Variants in DCTN5 observed in about 807,000 individuals in gnomAD.
DCTN5 encodes the protein dynactin subunit 5.
DCTN5 carries 14 observed loss-of-function variants against 23.5 expected under a neutral mutation model. The observed-to-expected ratio is 0.60, with a 90% CI of 0.39 to 0.93. The LOEUF is 0.93. DCTN5 is among the 40% of genes least tolerant of loss of function. DCTN5 has a pLI of 0.00. For synonymous variants in DCTN5, 67 were observed against 79.6 expected (o/e 0.84, Z 0.84); for missense variants, 156 against 225.9 (o/e 0.69, Z 1.98).
At chr16:23,650,308 A>T (rs1967572291) in intron 2 of DCTN5, among the ~76,000 whole-genome samples, 1 of 151,906 alleles carries the variant, frequency 6.6e-6, no homozygotes, top group Admixed American at 6.6e-5. Flanking sequence ...TCTAAGATTC[A>T]TTGTGGTCTG....
chr16:23,645,120 TATATATA>T (rs1967417692), intron 2 of DCTN5, among the ~76,000 whole-genome samples: 5 of 43,064 alleles, frequency 1.2e-4, no homozygotes, highest in East Asian at 6.9e-4. Flanking sequence ...TATATATATA[TATATATA>T]TATATATATA....
Position 23,675,834 on chromosome 16 carries a change from C to G in DCTN5, c.*8690C>G, listed in dbSNP as rs1015632613. 1 of 152,180 alleles carries G rather than the reference C, an allele frequency of 6.6e-6. No homozygotes were observed. Among genetic ancestry groups the G allele is most frequent in the Non-Finnish European group, 1.5e-5 (1 of 68,036 alleles). The allele number at this position is 152,180 out of a possible 1,614,324, so 9.4% of individuals were successfully genotyped here. A position where few individuals can be genotyped will look rare whatever the true frequency, so the allele number is the denominator to read the frequency against. On this transcript the variant is annotated 3_prime_UTR_variant, in exon 6 of 6. Coordinates refer to ENST00000300087, the MANE Select transcript of DCTN5 (RefSeq NM_032486.4). ...ATCTCCCACAAATGTCATCCATGCT[C>G]ATGAGATGGATCAACTTGTATCCTG...
At chr16:23,654,043 G>A (rs930086199) in intron 2 of DCTN5, among the ~76,000 whole-genome samples, 2 of 152,196 alleles carry the variant, frequency 1.3e-5, no homozygotes, top group Non-Finnish European at 2.9e-5. Context: ...AACAGATGCT[G>A]GTGAGGTTGT....
In DCTN5 at chr16:23,674,371, A is replaced by G. The variant is rs1263087503; in HGVS notation, c.*7227A>G. 1 of 152,196 alleles carries G rather than the reference A, an allele frequency of 6.6e-6. No individual in the cohort carries two copies. Among genetic ancestry groups the G allele is most frequent in the Non-Finnish European group, 1.5e-5 (1 of 68,040 alleles). 9.4% of individuals were successfully genotyped at this position (152,196 alleles called of 1,614,324 possible). On this transcript the variant is annotated 3_prime_UTR_variant, in exon 6 of 6. Coordinates refer to ENST00000300087, the MANE Select transcript of DCTN5 (RefSeq NM_032486.4). ...TAATACAGAGGCTAATTGCATTCCT[A>G]ACTTCTAATATTTGCCAAACGCTCC...
chr16:23,658,775 G>A (rs2140983263), intron 3 of DCTN5, 150 bp downstream of exon 3: 1 of 672,414 alleles, frequency 1.5e-6, no homozygotes. Context: ...CTCTGCTGGT[G>A]GTTGTCTCAG....
Position 23,661,249 on chromosome 16 carries a change from T to C in DCTN5, c.316T>C (p.Ser106Pro), listed in dbSNP as rs1967804727. 2 of 1,612,654 alleles carry C rather than the reference T, an allele frequency of 1.2e-6. No individual in the cohort carries two copies. The highest frequency in any genetic ancestry group is 1.7e-6 in the Non-Finnish European group (2 of 1,179,346). Residue 106 changes from serine (S) to proline (P), a missense_variant, in exon 4 of 6, where the codon TCC becomes CCC. Around this residue, in one of 2 missense-constraint regions of DCTN5, gnomAD observed 153 missense variants for 206.8 expected, o/e 0.74. Coordinates refer to ENST00000300087, the MANE Select transcript of DCTN5 (RefSeq NM_032486.4). ...DCVVNAAQIGSYVHVGKNCVI... is the reference protein window; with the variant it reads ...DCVVNAAQIGPYVHVGKNCVI... ...TGTGGTCAACGCAGCACAGATTGGT[T>C]CCTATGTTCATGTTGGGAAGAACTG...
intron 1 of DCTN5, 136 bp from the exon 2 acceptor site, chr16:23,642,819 A>C (rs1967325811): frequency 2.8e-6 from 2 of 709,630 alleles, no homozygotes; most frequent in Admixed American, 4.4e-5. Context: ...CTTTTTTGAT[A>C]TCCTGGACTC....
chr16:23,647,223 C>G (rs1383477763), intron 2 of DCTN5, among the ~76,000 whole-genome samples: 1 of 151,348 alleles, frequency 6.6e-6, no homozygotes, highest in Non-Finnish European at 1.5e-5. Flanking sequence ...ACTTCCTTCT[C>G]TCAGGTTCAA....
intron 5 of DCTN5, chr16:23,665,968 C>T (rs554783282): frequency 3.9e-6 from 2 of 517,778 alleles, no homozygotes; most frequent in South Asian, 4.5e-5. Context: ...AAAGAGGAAA[C>T]TAAGCCCAAG....
chr16:23,642,706 T>A (rs1000776908), intron 1 of DCTN5: 1 of 454,322 alleles, frequency 2.2e-6, no homozygotes, highest in Non-Finnish European at 4.0e-6. Context: ...AGGCTGGTCT[T>A]GAGCTCCTGT....
At chr16:23,648,842 C>T (rs1194715603) in intron 2 of DCTN5, among the ~76,000 whole-genome samples, 1 of 147,484 alleles carries the variant, frequency 6.8e-6, no homozygotes, top group Non-Finnish European at 1.5e-5. Flanking sequence ...TTGCCCTTCC[C>T]TATGATTAGT....
chr16:23,642,860 T>A, intron 1 of DCTN5, 95 bp from the exon 2 acceptor site: 6 of 1,127,970 alleles, frequency 5.3e-6, no homozygotes, highest in Non-Finnish European at 8.1e-6. Flanking sequence ...CCACTTTATG[T>A]TTTTTTCTCT....
At chr16:23,645,137 A>ATATATATATATATGTATAT (rs1555462995) in intron 2 of DCTN5, among the ~76,000 whole-genome samples, 1 of 30,806 alleles carries the variant, frequency 3.2e-5, no homozygotes, top group Non-Finnish European at 5.6e-5. Context: ...ATATATATAT[A>ATATATATATATATGTATAT]TTTTTTTTTT....
At chr16:23,663,245 TTC>T (rs1222549499) in intron 4 of DCTN5, among the ~76,000 whole-genome samples, 4 of 152,214 alleles carry the variant, frequency 2.6e-5, no homozygotes, top group Admixed American at 6.5e-5. Flanking sequence ...TTTACATTTA[TTC>T]TCTCTATTCT....
rs923658620 is a variant in DCTN5, at chr16:23,672,476, G to A, written c.*5332G>A. The A allele has an allele frequency of 6.6e-6, 1 of 152,200 alleles. No homozygotes were observed. The highest frequency in any genetic ancestry group is 2.4e-5 in the African/African-American group (1 of 41,460). The allele number at this position is 152,200 out of a possible 1,614,324, so 9.4% of individuals were successfully genotyped here. A position where few individuals can be genotyped will look rare whatever the true frequency, so the allele number is the denominator to read the frequency against. Reference sequence around the variant, plus strand: ...TTGAACCCGGAGTTTTTAGTCTATTGAGTTTAACCGACAGATCATACTGTG... The same window carrying A: ...TTGAACCCGGAGTTTTTAGTCTATTAAGTTTAACCGACAGATCATACTGTG... On this transcript the variant is annotated 3_prime_UTR_variant, in exon 6 of 6. Transcript: ENST00000300087.
rs958237075 is a variant in DCTN5, at chr16:23,669,757, T to G, written c.*2613T>G. ...ATTACTCCTGGTCTTGGGAGTTGCC[T>G]TCTGAGGATACTCCACTGGGGGTAC... is the stretch of plus-strand genomic sequence containing the variant. On this transcript the variant is annotated 3_prime_UTR_variant, in exon 6 of 6. Coordinates refer to ENST00000300087, the MANE Select transcript of DCTN5 (RefSeq NM_032486.4). 1 of 152,206 alleles carries G rather than the reference T, an allele frequency of 6.6e-6. No homozygotes were observed. Among genetic ancestry groups the G allele is most frequent in the Non-Finnish European group, 1.5e-5 (1 of 68,096 alleles). 9.4% of individuals were successfully genotyped at this position (152,206 alleles called of 1,614,324 possible).
Position 23,661,258 on chromosome 16 carries a change from C to A in DCTN5, c.325C>A (p.His109Asn). Reference sequence around the variant, plus strand: ...CGCAGCACAGATTGGTTCCTATGTTCATGTTGGGAAGAACTGTGTGATTGT... The same window carrying A: ...CGCAGCACAGATTGGTTCCTATGTTAATGTTGGGAAGAACTGTGTGATTGT... ...VNAAQIGSYV[H>N]VGKNCVIGRR... is the part of the protein sequence containing the mutation. The change falls in exon 4 of 6, where the codon CAT (histidine) becomes AAT (asparagine). Residue 109 changes from histidine (H) to asparagine (N), a missense_variant. By Grantham distance (68) the His-to-Asn change is moderately conservative. Transcript: ENST00000300087. 1 of 1,611,968 alleles carries A rather than the reference C, an allele frequency of 6.2e-7. No homozygotes were observed. The highest frequency in any genetic ancestry group is 8.5e-7 in the Non-Finnish European group (1 of 1,179,014).
At position 23,667,132 on chromosome 16, in the gene DCTN5, G is replaced by T; in HGVS notation, c.537G>T (p.Leu179=). The change falls in exon 6 of 6, where the codon CTG becomes CTT. Residue 179 remains leucine (L), a synonymous_variant. Coordinates refer to ENST00000300087, the MANE Select transcript of DCTN5 (RefSeq NM_032486.4). ...TKSYYQKFLP[L]TQV Reference sequence around the variant, plus strand: ...GCTACTACCAGAAGTTTTTGCCCCTGACGCAAGTCTAGCATCTCTGCCTCA... The same window carrying T: ...GCTACTACCAGAAGTTTTTGCCCCTTACGCAAGTCTAGCATCTCTGCCTCA... The T allele has an allele frequency of 1.2e-6, 2 of 1,612,546 alleles. No homozygotes were observed. Among genetic ancestry groups the T allele is most frequent in the Non-Finnish European group, 1.7e-6 (2 of 1,180,028 alleles).
chr16:23,645,009 GC>G (rs1318264518), intron 2 of DCTN5, among the ~76,000 whole-genome samples: 1 of 136,668 alleles, frequency 7.3e-6, no homozygotes, highest in Non-Finnish European at 1.5e-5. Context: ...CAAACTCTTG[GC>G]CTCAAGTGAT....
Sources: allele counts gnomAD v4.1 joint callset (sites outside exome capture counted in the v4.1 genomes callset), GRCh38; gene constraint gnomAD v4.1.1; regional missense constraint gnomAD v4.1.1; transcripts MANE v1.5; gene names NCBI Gene and HGNC (gene_info 2026-07-23, HGNC 2026-07-21).